SLC12A8: variants seen among roughly 807,000 people sequenced by gnomAD.
The protein encoded by SLC12A8 is cation-chloride cotransporter 9.
A neutral mutation model predicts 75.6 loss-of-function variants in SLC12A8; 69 were observed. The observed-to-expected ratio is 0.91, with a 90% CI of 0.75 to 1.11. SLC12A8 has a LOEUF of 1.11. Among genes scored for constraint, SLC12A8 ranks in the 50% most tolerant of loss-of-function variants. The probability of loss-of-function intolerance (pLI) is 0.00; values close to 1 mark genes in which losing one functional copy is unlikely to be tolerated. For missense variants in SLC12A8, 877 were observed against 896.7 expected (o/e 0.98, Z 0.28); for synonymous variants, 365 against 372.8 (o/e 0.98, Z 0.24).
In SLC12A8 at chr3:125,110,309, AAGGAAC is replaced by A; in HGVS notation, c.933_938del (p.Phe312_Leu313del). 6.2e-7 allele frequency: 1 copy of A among 1,613,914 alleles called. No individual in the cohort carries two copies. Among genetic ancestry groups the A allele is most frequent in the African/African-American group, 1.3e-5 (1 of 74,984 alleles). On this transcript the variant is annotated inframe_deletion, in exon 9 of 14. Coordinates refer to ENST00000469902, the MANE Select transcript of SLC12A8 (RefSeq NM_024628.6). ...CCAGGGACGAGATGTATAAGCCCAA[AAGGAAC>A]AGGAAGCCCATGAGGGATACCTGTG... is the stretch of plus-strand genomic sequence containing the variant.
At chr3:125,199,481 C>A (rs984906179) in intron 2 of SLC12A8, among the ~76,000 whole-genome samples, 25 of 152,022 alleles carry the variant, frequency 1.6e-4, no homozygotes, top group African/African-American at 6.0e-4. Context: ...GTGGCTTATG[C>A]CTGTAATTCC....
chr3:125,146,046 T>C (rs1188130347), intron 5 of SLC12A8, among the ~76,000 whole-genome samples: 2 of 152,188 alleles, frequency 1.3e-5, no homozygotes, highest in South Asian at 4.1e-4. Context: ...CCCAGGCTGG[T>C]CTCAAGCCCC....
chr3:125,090,189 G>A (rs1334444258), intron 12 of SLC12A8, among the ~76,000 whole-genome samples: 2 of 152,084 alleles, frequency 1.3e-5, no homozygotes, highest in Admixed American at 1.3e-4. Flanking sequence ...GACAACAGGT[G>A]TGTGCGAACT....
intron 5 of SLC12A8, among the ~76,000 whole-genome samples, chr3:125,139,179 T>C (rs1037356115): frequency 3.3e-5 from 5 of 151,956 alleles, no homozygotes; most frequent in African/African-American, 4.8e-5. Flanking sequence ...GAGTGGCTTA[T>C]GAGAAAAACA....
chr3:125,103,052 T>C (rs1326019269), intron 10 of SLC12A8, among the ~76,000 whole-genome samples: 1 of 152,202 alleles, frequency 6.6e-6, no homozygotes, highest in Non-Finnish European at 1.5e-5. Flanking sequence ...ACAACCCTTC[T>C]GTTGCCCAAT....
chr3:125,202,859 G>A (rs1020094285), intron 2 of SLC12A8, among the ~76,000 whole-genome samples: 8 of 151,896 alleles, frequency 5.3e-5, no homozygotes, highest in Non-Finnish European at 1.0e-4. Flanking sequence ...AGGCCAAGGC[G>A]GGCGGATCAC....
intron 5 of SLC12A8, among the ~76,000 whole-genome samples, chr3:125,155,750 C>CAAAA (rs1159877630): frequency 2.9e-5 from 2 of 69,406 alleles, no homozygotes; most frequent in Non-Finnish European, 5.8e-5. Context: ...GACTCTGTCT[C>CAAAA]AAAAAAAAAA....
At chr3:125,093,332 A>G (rs903391594) in intron 10 of SLC12A8, among the ~76,000 whole-genome samples, 5 of 152,120 alleles carry the variant, frequency 3.3e-5, no homozygotes, top group African/African-American at 9.7e-5. Context: ...CTGTTCTCCA[A>G]TATCAAATTT....
At chr3:125,211,146 TATA>T (rs1488991141) in intron 2 of SLC12A8, among the ~76,000 whole-genome samples, 150 bp downstream of exon 2, 2 of 152,234 alleles carry the variant, frequency 1.3e-5, no homozygotes, top group African/African-American at 4.8e-5. Context: ...ATATTTTGGC[TATA>T]ATATTTTCTC....
chr3:125,178,286 C>T (rs1176418930), intron 4 of SLC12A8, among the ~76,000 whole-genome samples: 11 of 152,254 alleles, frequency 7.2e-5, no homozygotes, highest in Non-Finnish European at 1.3e-4. Context: ...AAGAGGCCTC[C>T]GGATTTCTCA....
intron 5 of SLC12A8, among the ~76,000 whole-genome samples, chr3:125,143,315 G>A (rs1163742755): frequency 2.6e-5 from 4 of 152,232 alleles, no homozygotes; most frequent in African/African-American, 9.6e-5. Context: ...GCGTTGGACT[G>A]TTTTGAAATT....
chr3:125,174,272 T>C (rs941425667), intron 5 of SLC12A8, among the ~76,000 whole-genome samples: 5 of 152,136 alleles, frequency 3.3e-5, no homozygotes, highest in African/African-American at 1.2e-4. Context: ...ATTAAAACAA[T>C]GATGAGATAT....
At chr3:125,133,520 A>G (rs1933413934) in intron 6 of SLC12A8, among the ~76,000 whole-genome samples, 1 of 132,080 alleles carries the variant, frequency 7.6e-6, no homozygotes, top group South Asian at 2.4e-4. Context: ...GCTGAGAATC[A>G]CTACAAGTGA....
rs1367625556 is a variant in SLC12A8 at position 125,187,584 on chromosome 3, GCAC to G, written c.199-159_199-157del. ...AGGACAACTAAAAAGGACAAAGCAA[GCAC>G]CACAACAGCCAAGGCCAGGAAGAAG... On this transcript the variant is annotated intron_variant, in intron 3 of 13. Transcript: ENST00000469902. Among the ~76,000 whole-genome samples, 5 of 152,248 alleles carry G rather than the reference GCAC, an allele frequency of 3.3e-5. No individual in the cohort carries two copies. In the East Asian group the frequency reaches 5.8e-4, roughly 18 times the overall value.
At chr3:125,163,636 C>G (rs1286401837) in intron 5 of SLC12A8, among the ~76,000 whole-genome samples, 1 of 151,928 alleles carries the variant, frequency 6.6e-6, no homozygotes, top group Non-Finnish European at 1.5e-5. Context: ...AAAAGAAATG[C>G]TACTTGGTGC....
rs1938386670 is a variant in SLC12A8, at chr3:125,083,733, A to G, written c.*157T>C. 7 of 807,152 alleles carry G rather than the reference A, an allele frequency of 8.7e-6. No homozygotes were observed. Among genetic ancestry groups the G allele is most frequent in the Non-Finnish European group, 9.3e-6 (5 of 536,492 alleles). The allele number at this position is 807,152 out of a possible 1,614,324, so 50.0% of individuals were successfully genotyped here. On this transcript the variant is annotated 3_prime_UTR_variant, in exon 14 of 14. Coordinates refer to ENST00000469902, the MANE Select transcript of SLC12A8 (RefSeq NM_024628.6). ...CGAGACTCTGTCTCAAAAAAAAAAA[A>G]AAAGGGAAAAGAAAATGTAGATTTC...
chr3:125,173,910 G>GTGAA (rs1934463922), intron 5 of SLC12A8, among the ~76,000 whole-genome samples: 1 of 152,182 alleles, frequency 6.6e-6, no homozygotes, highest in Non-Finnish European at 1.5e-5. Flanking sequence ...GGCCAACATG[G>GTGAA]TGAAACCCCA....
intron 5 of SLC12A8, among the ~76,000 whole-genome samples, chr3:125,173,404 G>A (rs977384271): frequency 1.4e-5 from 2 of 138,688 alleles, no homozygotes; most frequent in Non-Finnish European, 3.1e-5. Flanking sequence ...ATGGAGACAG[G>A]AGAGTCTTTT....
chr3:125,096,514 T>A (rs900134537), intron 10 of SLC12A8, among the ~76,000 whole-genome samples: 3 of 152,170 alleles, frequency 2.0e-5, no homozygotes, highest in African/African-American at 7.2e-5. Flanking sequence ...AATGAATAAA[T>A]CATTCTACAC....
Sources: allele counts gnomAD v4.1 joint callset (sites outside exome capture counted in the v4.1 genomes callset), GRCh38; gene constraint gnomAD v4.1.1; transcripts MANE v1.5; gene names NCBI Gene and HGNC (gene_info 2026-07-23, HGNC 2026-07-21).